The following PPP3CA variants were observed in gnomAD, a reference collection of about 807,000 sequenced individuals.
PPP3CA encodes CAM-PRP catalytic subunit.
Under a neutral mutation model 66.5 loss-of-function variants are expected in PPP3CA, and 14 were observed. The observed-to-expected ratio is 0.21, with a 90% CI of 0.14 to 0.33. The LOEUF (loss-of-function observed/expected upper bound fraction) is 0.33, where lower values mean the gene tolerates loss of function less well. Among genes scored for constraint, PPP3CA ranks in the 10% least tolerant of loss-of-function variants. The pLI is 1.00. For missense variants in PPP3CA, 317 were observed against 639.5 expected, an observed-to-expected ratio of 0.50 and a Z score of 5.44; for synonymous variants, 232 against 226.2, an observed-to-expected ratio of 1.03 and a Z score of -0.23.
chr4:101,320,824 T>C (rs1236009802), intron 1 of PPP3CA, among the ~76,000 whole-genome samples: 1 of 152,112 alleles, frequency 6.6e-6, no homozygotes, highest in South Asian at 2.1e-4. Flanking sequence ...ATTATATGAT[T>C]CTGATGGATA....
intron 10 of PPP3CA, among the ~76,000 whole-genome samples, chr4:101,051,405 T>C (rs575745756): frequency 2.0e-4 from 30 of 152,278 alleles, no homozygotes; most frequent in Admixed American, 1.1e-3. Context: ...ATTACTCTAA[T>C]AAAAGTACAA....
chr4:101,106,641 C>CAT (rs1459308717), intron 3 of PPP3CA, among the ~76,000 whole-genome samples: 1 of 152,096 alleles, frequency 6.6e-6, no homozygotes, highest in African/African-American at 2.4e-5. Context: ...CACCTATGGC[C>CAT]ATATCAGCAA....
chr4:101,260,623 T>C (rs961301178), intron 1 of PPP3CA, among the ~76,000 whole-genome samples: 2 of 152,088 alleles, frequency 1.3e-5, no homozygotes, highest in African/African-American at 4.8e-5. Flanking sequence ...AACTAAACGA[T>C]GAATGCCAGC....
chr4:101,199,846 C>A (rs189527325), intron 1 of PPP3CA, among the ~76,000 whole-genome samples: 1 of 152,302 alleles, frequency 6.6e-6, no homozygotes, highest in East Asian at 1.9e-4. Flanking sequence ...TACTAGTCTA[C>A]CTATGAACCA....
At chr4:101,059,670 C>T (rs1255875059) in intron 10 of PPP3CA, among the ~76,000 whole-genome samples, 2 of 152,132 alleles carry the variant, frequency 1.3e-5, no homozygotes, top group Admixed American at 1.3e-4. Flanking sequence ...TTTTACTGAA[C>T]TGCAGTTTTT....
intron 11 of PPP3CA, among the ~76,000 whole-genome samples, chr4:101,035,444 A>T (rs1727201996): frequency 6.6e-6 from 1 of 152,198 alleles, no homozygotes; most frequent in South Asian, 2.1e-4. Flanking sequence ...TTTTGTACCA[A>T]CAGTAGGAAG....
At chr4:101,107,269 G>A (rs1263028775) in intron 3 of PPP3CA, among the ~76,000 whole-genome samples, 3 of 152,076 alleles carry the variant, frequency 2.0e-5, no homozygotes, top group African/African-American at 7.2e-5. Flanking sequence ...TTATCACAAG[G>A]TTTTAATAAT....
At chr4:101,171,584 G>A (rs1216803113) in intron 2 of PPP3CA, among the ~76,000 whole-genome samples, 2 of 152,114 alleles carry the variant, frequency 1.3e-5, no homozygotes, top group Admixed American at 6.6e-5. Flanking sequence ...ACTGGAACAT[G>A]GAAAGGTTAA....
chr4:101,253,967 C>A (rs1212921063), intron 1 of PPP3CA, among the ~76,000 whole-genome samples: 1 of 151,822 alleles, frequency 6.6e-6, no homozygotes, highest in Non-Finnish European at 1.5e-5. Flanking sequence ...TCTCTTTGCC[C>A]CTCCCACCTC....
At chr4:101,310,019 CAATT>C (rs1245598920) in intron 1 of PPP3CA, among the ~76,000 whole-genome samples, 7 of 152,150 alleles carry the variant, frequency 4.6e-5, no homozygotes, top group Admixed American at 2.0e-4. Context: ...AAAACCCAAT[CAATT>C]ATCATGGTAT....
chr4:101,267,953 A>C (rs1727220732), intron 1 of PPP3CA, among the ~76,000 whole-genome samples: 1 of 152,092 alleles, frequency 6.6e-6, no homozygotes, highest in Non-Finnish European at 1.5e-5. Context: ...ACTATATTTG[A>C]TAGCCTGAGT....
At chr4:101,306,567 C>G (rs1728540896) in intron 1 of PPP3CA, among the ~76,000 whole-genome samples, 1 of 152,016 alleles carries the variant, frequency 6.6e-6, no homozygotes, top group South Asian at 2.1e-4. Context: ...GCTGTACACC[C>G]ACCACCTTCA....
At chr4:101,172,268 TC>T (rs540767923) in intron 2 of PPP3CA, among the ~76,000 whole-genome samples, 1 of 152,082 alleles carries the variant, frequency 6.6e-6, no homozygotes, top group Non-Finnish European at 1.5e-5. Context: ...TTGGTCCAAA[TC>T]CCATTTCTGA....
intron 2 of PPP3CA, among the ~76,000 whole-genome samples, chr4:101,176,280 T>C (rs1724056123): frequency 6.6e-6 from 1 of 152,194 alleles, no homozygotes; most frequent in African/African-American, 2.4e-5. Context: ...AATGTATTAG[T>C]GTATACAAAC....
intron 1 of PPP3CA, among the ~76,000 whole-genome samples, chr4:101,309,279 G>A (rs962776592): frequency 6.6e-6 from 1 of 152,094 alleles, no homozygotes; most frequent in Non-Finnish European, 1.5e-5. Context: ...GTATTATCTT[G>A]GTACTTCCTG....
At chr4:101,230,208 A>AT (rs1205226911) in intron 1 of PPP3CA, among the ~76,000 whole-genome samples, 1 of 151,598 alleles carries the variant, frequency 6.6e-6, no homozygotes, top group East Asian at 1.9e-4. Flanking sequence ...GAAATTTTTA[A>AT]TATGTCAACC....
chr4:101,148,728 T>A (rs1279127141), intron 2 of PPP3CA, among the ~76,000 whole-genome samples: 1 of 152,126 alleles, frequency 6.6e-6, no homozygotes, highest in Non-Finnish European at 1.5e-5. Flanking sequence ...AGATGGTAAA[T>A]GTACCATCAG....
intron 2 of PPP3CA, among the ~76,000 whole-genome samples, chr4:101,158,999 G>C (rs1237865661): frequency 1.3e-5 from 2 of 152,146 alleles, no homozygotes; most frequent in African/African-American, 2.4e-5. Flanking sequence ...GATAATAGTA[G>C]TTGACTTAGC....
At chr4:101,129,433 C>G (rs899269967) in intron 2 of PPP3CA, among the ~76,000 whole-genome samples, 5 of 152,270 alleles carry the variant, frequency 3.3e-5, no homozygotes, top group African/African-American at 9.6e-5. Context: ...GGTCCCTGAT[C>G]CCCGTGCCTC....
Sources: gnomAD v4.1 joint callset for allele counts (sites outside exome capture counted in the v4.1 genomes callset) on GRCh38, gnomAD v4.1.1 for gene constraint, MANE v1.5 for transcripts, NCBI Gene and HGNC (gene_info 2026-07-23, HGNC 2026-07-21) for gene names.